Variants in SLC9A6 observed in about 807,000 individuals in gnomAD.
SLC9A6 encodes the protein sodium/hydrogen exchanger 6.
SLC9A6 carries 6 observed loss-of-function variants against 45.3 expected under a neutral mutation model. That is an observed-to-expected ratio of 0.13 (90% CI 0.07 to 0.26). The LOEUF is 0.26. Among genes scored for constraint, SLC9A6 ranks in the 10% least tolerant of loss-of-function variants. The probability of loss-of-function intolerance (pLI) is 1.00; values close to 1 mark genes in which losing one functional copy is unlikely to be tolerated. For missense variants in SLC9A6, 278 were observed against 503.7 expected (o/e 0.55, Z 4.29); for synonymous variants, 191 against 187.7 (o/e 1.02, Z -0.14).
intron 4 of SLC9A6, 90 bp downstream of exon 4, chrX:135,998,275 C>T (rs2089533508): frequency 3.2e-6 from 2 of 622,254 alleles, no homozygotes; most frequent in Non-Finnish European, 5.4e-6. Flanking sequence ...GCTGTTCTTT[C>T]CAGATTACCC....
intron 10 of SLC9A6, among the ~76,000 whole-genome samples, chrX:136,015,873 T>C (rs911543553): frequency 1.1e-4 from 12 of 111,474 alleles, no homozygotes; most frequent in African/African-American, 3.9e-4. Context: ...TATTCTGTTA[T>C]GTGTCAGAGG....
chrX:136,033,535 A>G (rs1556621424), intron 16 of SLC9A6, 42 bp downstream of exon 16: 1 of 790,052 alleles, frequency 1.3e-6, no homozygotes, highest in Non-Finnish European at 1.9e-6. Flanking sequence ...TAATGTGGAC[A>G]TAGATAATTA....
chrX:135,994,793 G>C lies in SLC9A6; in HGVS notation c.177G>C (p.Leu59Phe), dbSNP rs1556616215. ...TGTTGTTCTTTTTTCCAGGTCTTTT[G>C]GTGGGCCTTGTGCTTCGGTATGGCA... ...ETGLAMIYGLLVGLVLRYGIH... is the reference protein window; with the variant it reads ...ETGLAMIYGLFVGLVLRYGIH... Residue 59 changes from leucine (L) to phenylalanine (F), a missense_variant, in exon 3 of 18, where the codon TTG becomes TTC. This residue lies in a region of SLC9A6 where 118 missense variants were observed against 209.9 expected (regional missense o/e 0.56). Transcript: ENST00000630721. 1.7e-6 allele frequency: 2 copies of C among 1,210,987 alleles called. No individual in the cohort carries two copies. The highest frequency in any genetic ancestry group is 4.3e-5 in the Admixed American group (2 of 45,984).
rs1556614872 is a variant in SLC9A6 at position 135,985,843 on chromosome X, C to G, written c.169+16C>G. 1.7e-6 allele frequency: 2 copies of G among 1,209,836 alleles called. No individual in the cohort carries two copies. Among genetic ancestry groups the G allele is most frequent in the Non-Finnish European group, 2.2e-6 (2 of 895,126 alleles). On this transcript the variant is annotated intron_variant, in intron 2 of 17. Coordinates refer to ENST00000630721, the MANE Select transcript of SLC9A6 (RefSeq NM_001379110.1). ...ATGATTTATGGCAAGTTCCTCAACC[C>G]TTGTCAGCCCCTTGGCGCTGCCCCT...
At chrX:136,017,693 A>C (rs2148180428) in intron 11 of SLC9A6, among the ~76,000 whole-genome samples, 1 of 111,837 alleles carries the variant, frequency 8.9e-6, no homozygotes, top group African/African-American at 3.2e-5. Flanking sequence ...TCATCTGCTG[A>C]GAGTAAGATA....
intron 2 of SLC9A6, among the ~76,000 whole-genome samples, chrX:135,986,454 C>A (rs1556614995): frequency 9.0e-6 from 1 of 111,036 alleles, no homozygotes; most frequent in Non-Finnish European, 1.9e-5. Context: ...TACTATGCCT[C>A]TAATATCTGA....
At chrX:136,028,455 A>G (rs954451239) in intron 13 of SLC9A6, among the ~76,000 whole-genome samples, 1 of 112,205 alleles carries the variant, frequency 8.9e-6, no homozygotes, top group South Asian at 3.7e-4. Context: ...ATTCATTTCT[A>G]TGCCCTGTGC....
rs146316291 is a variant in SLC9A6 at position 136,045,848 on chromosome X, C to A, written c.*1124C>A. The A allele has an allele frequency of 3.5e-4, 39 of 111,926 alleles. No individual in the cohort carries two copies. The highest frequency in any genetic ancestry group is 1.3e-3 in the African/African-American group (39 of 30,811). The allele number at this position is 111,926 out of a possible 1,213,427, so 9.2% of individuals were successfully genotyped here. ...ATAAGAGAAATCGAATATTCTGGAG[C>A]ACTGATTGCAGCAGGGTGGCTCCTT... is the stretch of plus-strand genomic sequence containing the variant. On this transcript the variant is annotated 3_prime_UTR_variant, in exon 18 of 18. Coordinates refer to ENST00000630721, the MANE Select transcript of SLC9A6 (RefSeq NM_001379110.1).
At chrX:136,039,952 T>A (rs1293331866) in intron 16 of SLC9A6, 124 bp from the exon 17 acceptor site, 1 of 544,361 alleles carries the variant, frequency 1.8e-6, no homozygotes, top group Non-Finnish European at 3.3e-6. Context: ...AATGAGACCA[T>A]AGATGTGAAA....
intron 17 of SLC9A6, among the ~76,000 whole-genome samples, chrX:136,040,835 A>G (rs1489984908): frequency 9.8e-5 from 11 of 112,594 alleles, no homozygotes; most frequent in African/African-American, 3.6e-4. Context: ...AAAACCTTCC[A>G]TTCTGGCCAG....
intron 10 of SLC9A6, among the ~76,000 whole-genome samples, chrX:136,013,966 TC>T (rs1400784667): frequency 8.9e-6 from 1 of 112,464 alleles, no homozygotes; most frequent in Non-Finnish European, 1.9e-5. Context: ...CTACTATGTT[TC>T]CAGGAATGTC....
At chrX:136,020,045 G>A (rs993381429) in intron 11 of SLC9A6, among the ~76,000 whole-genome samples, 31 of 112,341 alleles carry the variant, frequency 2.8e-4, no homozygotes, top group Non-Finnish European at 1.1e-4. Flanking sequence ...GAAGACCACA[G>A]AGGTAAAATG....
intron 16 of SLC9A6, among the ~76,000 whole-genome samples, chrX:136,034,164 G>C: frequency 9.1e-6 from 1 of 110,260 alleles, no homozygotes; most frequent in Non-Finnish European, 1.9e-5. Context: ...TTGGGAACCG[G>C]GCCACACAGC....
intron 2 of SLC9A6, among the ~76,000 whole-genome samples, chrX:135,989,121 G>A (rs1319157363): frequency 3.6e-5 from 4 of 111,380 alleles, no homozygotes; most frequent in Admixed American, 9.6e-5. Context: ...GGTTAGCTAC[G>A]TAAATCCTGG....
intron 7 of SLC9A6, among the ~76,000 whole-genome samples, chrX:136,008,748 G>T (rs2070866232): frequency 9.0e-6 from 1 of 110,842 alleles, no homozygotes; most frequent in Non-Finnish European, 1.9e-5. Context: ...TTACTTTCAG[G>T]GTTTAAAAAA....
chrX:135,994,925 G>A lies in SLC9A6; in HGVS notation c.309G>A (p.Leu103=). 1 of 1,204,610 alleles carries A rather than the reference G, an allele frequency of 8.3e-7. No homozygotes were observed. The highest frequency in any genetic ancestry group is 1.1e-6 in the Non-Finnish European group (1 of 888,928). ...NVSGKFYEYM[L]KGEISSHELN... ...GTGGAAAATTTTATGAGTATATGCT[G>A]AAAGGAGAGATTAGTTCACATGAAC... The change falls in exon 3 of 18, where the codon CTG becomes CTA. Residue 103 remains leucine, a synonymous_variant. Transcript: ENST00000630721.
At chrX:135,976,912 C>T (rs868975907) in intron 1 of SLC9A6, among the ~76,000 whole-genome samples, 1 of 112,034 alleles carries the variant, frequency 8.9e-6, no homozygotes. Flanking sequence ...AAACTAGCCT[C>T]GTTTCACATT....
In SLC9A6 at chrX:136,033,403, T is replaced by C; in HGVS notation, c.1582-11T>C. ...TGTATAGATATTGATTTCTGTATTA[T>C]CTATCTGCAGGGTGTTCCTGAAAAT... On this transcript the variant is annotated splice_polypyrimidine_tract_variant and intron_variant, in intron 15 of 17. Coordinates refer to ENST00000630721, the MANE Select transcript of SLC9A6 (RefSeq NM_001379110.1). 2 of 1,109,630 alleles carry C rather than the reference T, an allele frequency of 1.8e-6. No individual in the cohort carries two copies. The highest frequency in any genetic ancestry group is 2.6e-4 in the Middle Eastern group (1 of 3,814). 91.4% of individuals were successfully genotyped at this position (1,109,630 alleles called of 1,213,427 possible).
rs6654310 is a variant in SLC9A6 at position 136,022,705 on chromosome X, G to C, written c.1306+8G>C. On this transcript the variant is annotated splice_region_variant and intron_variant, in intron 12 of 17. Transcript: ENST00000630721. ...ACATGATGATGTTTGCTGGTAAGTT[G>C]TAACTTTCTTCTCTTGCCCACTTCA... is the stretch of plus-strand genomic sequence containing the variant. 9.0e-7 allele frequency: 1 copy of C among 1,106,604 alleles called. No homozygotes were observed. The highest frequency in any genetic ancestry group is 1.2e-6 in the Non-Finnish European group (1 of 806,459). The allele number at this position is 1,106,604 out of a possible 1,213,427, so 91.2% of individuals were successfully genotyped here. A position where few individuals can be genotyped will look rare whatever the true frequency, so the allele number is the denominator to read the frequency against.
Sources: allele counts gnomAD v4.1 joint callset (sites outside exome capture counted in the v4.1 genomes callset), GRCh38; gene constraint gnomAD v4.1.1; regional missense constraint gnomAD v4.1.1; transcripts MANE v1.5; gene names NCBI Gene and HGNC (gene_info 2026-07-23, HGNC 2026-07-21).